Variants in PTPRM observed in about 807,000 individuals in gnomAD.
The protein encoded by PTPRM is receptor-type tyrosine-protein phosphatase mu.
PTPRM carries 47 observed loss-of-function variants against 186.7 expected under a neutral mutation model. The ratio of observed to expected loss-of-function variants is 0.25; its 90% CI spans 0.20 to 0.32. The LOEUF (loss-of-function observed/expected upper bound fraction) is 0.32, where lower values mean the gene tolerates loss of function less well. PTPRM is among the 10% of genes least tolerant of loss of function. The pLI, the probability that PTPRM is intolerant of heterozygous loss-of-function variation, is 1.00. For missense variants in PTPRM, 1,494 were observed against 1,865.0 expected (o/e 0.80, Z 3.66); for synonymous variants, 668 against 674.9 (o/e 0.99, Z 0.16).
chr18:8,239,135 TCCCTCCC>T (rs1047102920), intron 14 of PTPRM, among the ~76,000 whole-genome samples: 1 of 109,814 alleles, frequency 9.1e-6, no homozygotes, highest in Admixed American at 9.7e-5. Context: ...CCTAATGCTA[TCCCTCCC>T]CCCTCCCCCC....
chr18:8,140,331 C>A (rs1600793172), intron 13 of PTPRM, among the ~76,000 whole-genome samples: 1 of 152,210 alleles, frequency 6.6e-6, no homozygotes, highest in Non-Finnish European at 1.5e-5. Context: ...GCCTGGCTTG[C>A]TGCTGTTATT....
At chr18:8,347,475 T>A (rs1437881558) in intron 23 of PTPRM, among the ~76,000 whole-genome samples, 1 of 152,134 alleles carries the variant, frequency 6.6e-6, no homozygotes, top group Non-Finnish European at 1.5e-5. Context: ...AAATAATAAT[T>A]ACACACTAAA....
At chr18:8,370,061 T>G (rs1232417232) in intron 23 of PTPRM, among the ~76,000 whole-genome samples, 1 of 151,734 alleles carries the variant, frequency 6.6e-6, no homozygotes, top group East Asian at 1.9e-4. Flanking sequence ...GGGACAGGAA[T>G]AGATGAAAAT....
intron 29 of PTPRM, among the ~76,000 whole-genome samples, chr18:8,382,509 C>T (rs1417655283): frequency 6.6e-6 from 1 of 152,172 alleles, no homozygotes; most frequent in Non-Finnish European, 1.5e-5. Context: ...ATAAACATCA[C>T]ATGCTATTAT....
intron 1 of PTPRM, among the ~76,000 whole-genome samples, chr18:7,651,595 C>T (rs1440944490): frequency 6.6e-6 from 1 of 151,860 alleles, no homozygotes; most frequent in African/African-American, 2.4e-5. Context: ...AGAAATAATG[C>T]CGCATATCTA....
At chr18:7,635,226 G>A (rs1238607256) in intron 1 of PTPRM, among the ~76,000 whole-genome samples, 3 of 151,998 alleles carry the variant, frequency 2.0e-5, no homozygotes, top group Admixed American at 6.6e-5. Flanking sequence ...AGAAGAAAAT[G>A]GACTTACATT....
chr18:7,909,859 A>G (rs998630381), intron 4 of PTPRM, among the ~76,000 whole-genome samples: 1 of 152,190 alleles, frequency 6.6e-6, no homozygotes, highest in African/African-American at 2.4e-5. Flanking sequence ...AAATATGGAG[A>G]TGACTTTGCA....
intron 7 of PTPRM, among the ~76,000 whole-genome samples, chr18:8,036,793 G>A (rs553061211): frequency 6.6e-6 from 1 of 152,274 alleles, no homozygotes; most frequent in Admixed American, 6.5e-5. Flanking sequence ...CTTCGCTTGA[G>A]TGCACATGTA....
intron 19 of PTPRM, among the ~76,000 whole-genome samples, chr18:8,284,049 C>T (rs928827551): frequency 6.6e-6 from 1 of 152,142 alleles, no homozygotes; most frequent in African/African-American, 2.4e-5. Flanking sequence ...AACTCAGATT[C>T]CCTTTCAGGA....
At chr18:7,985,334 T>G (rs539798482) in intron 7 of PTPRM, among the ~76,000 whole-genome samples, 53 of 125,456 alleles carry the variant, frequency 4.2e-4, no homozygotes, top group South Asian at 7.8e-4. Context: ...TACATATAAT[T>G]GTATATACAC....
chr18:7,905,027 C>T (rs905678738), intron 3 of PTPRM, among the ~76,000 whole-genome samples: 2 of 151,458 alleles, frequency 1.3e-5, no homozygotes, highest in Non-Finnish European at 2.9e-5. Flanking sequence ...GAGTTTTGCT[C>T]TTGTTGCCCA....
intron 1 of PTPRM, among the ~76,000 whole-genome samples, chr18:7,584,403 G>C (rs1467748501): frequency 6.6e-6 from 1 of 152,178 alleles, no homozygotes; most frequent in Non-Finnish European, 1.5e-5. Context: ...GGCTTTAGGA[G>C]ATCTGAGCTC....
chr18:8,076,460 G>A lies in PTPRM; in HGVS notation c.1447G>A (p.Gly483Ser). 6.3e-7 allele frequency: 1 copy of A among 1,587,992 alleles called. No homozygotes were observed. The highest frequency in any genetic ancestry group is 2.2e-5 in the East Asian group (1 of 44,518). Residue 483 changes from glycine (G) to serine (S), a missense_variant, in exon 9 of 33, where the codon GGT becomes AGT. This residue lies in a region of PTPRM where 1,107 missense variants were observed against 1,350.2 expected (regional missense o/e 0.82). Coordinates refer to ENST00000580170, the MANE Select transcript of PTPRM (RefSeq NM_001105244.2). ...LIVQTDEDLP[G>S]AVPTESIQGS... is the part of the protein sequence containing the mutation. ...TTCCTCCCACCCTCCTTTAGTCCCA[G>A]GTGCTGTTCCCACTGAATCCATACA...
At chr18:7,720,045 G>A (rs1474661158) in intron 1 of PTPRM, among the ~76,000 whole-genome samples, 1 of 152,064 alleles carries the variant, frequency 6.6e-6, no homozygotes, top group Non-Finnish European at 1.5e-5. Flanking sequence ...AAAAATTAAG[G>A]AAACCCTTAA....
intron 13 of PTPRM, among the ~76,000 whole-genome samples, 197 bp downstream of exon 13, chr18:8,115,024 A>C (rs1487689844): frequency 6.6e-6 from 1 of 152,002 alleles, no homozygotes; most frequent in African/African-American, 2.4e-5. Context: ...GAACTCATAT[A>C]GATACTTTTT....
At chr18:7,798,722 T>C (rs546429508) in intron 2 of PTPRM, among the ~76,000 whole-genome samples, 4 of 152,256 alleles carry the variant, frequency 2.6e-5, no homozygotes, top group South Asian at 2.1e-4. Flanking sequence ...CCTTTCTCCT[T>C]CTCTCTCCTT....
Position 8,394,512 on chromosome 18 carries a change from C to T in PTPRM, c.4245C>T (p.Ile1415=), listed in dbSNP as rs1178183506. The T allele has an allele frequency of 3.7e-6, 6 of 1,613,452 alleles. 1 individual carries two copies. The African/African-American group carries it at 8.0e-5, about 22-fold the overall frequency. ...GGGRSGTFCA[I]SIVCEMLRHQ... ...GCCGCAGTGGGACGTTCTGCGCCAT[C>T]AGCATCGTATGTGAGATGCTCCGGC... Residue 1415 remains isoleucine (I), a synonymous_variant, in exon 32 of 33, where the codon ATC becomes ATT. Coordinates refer to ENST00000580170, the MANE Select transcript of PTPRM (RefSeq NM_001105244.2).
chr18:7,786,404 C>A (rs1481463192), intron 2 of PTPRM, among the ~76,000 whole-genome samples: 1 of 152,022 alleles, frequency 6.6e-6, no homozygotes, highest in East Asian at 1.9e-4. Flanking sequence ...GCTTTGAGTC[C>A]TCTAATATGT....
intron 19 of PTPRM, among the ~76,000 whole-genome samples, chr18:8,267,545 C>T (rs73939416): frequency 0.033 from 5,082 of 152,122 alleles, 304 homozygotes; most frequent in African/African-American, 0.12. Flanking sequence ...CTTATTTTTA[C>T]ACTTAATATT....
Sources: allele counts gnomAD v4.1 joint callset (sites outside exome capture counted in the v4.1 genomes callset), GRCh38; gene constraint gnomAD v4.1.1; regional missense constraint gnomAD v4.1.1; transcripts MANE v1.5; gene names NCBI Gene and HGNC (gene_info 2026-07-23, HGNC 2026-07-21).